The following TACR1 variants were observed in gnomAD, a reference collection of about 807,000 sequenced individuals.
TACR1 encodes the protein substance-P receptor.
Under a neutral mutation model 35.8 loss-of-function variants are expected in TACR1, and 25 were observed. That is an observed-to-expected ratio of 0.70 (90% CI 0.51 to 0.98). The LOEUF (loss-of-function observed/expected upper bound fraction) is 0.98. Among genes scored for constraint, TACR1 ranks in the 50% least tolerant of loss-of-function variants. TACR1 has a pLI of 0.00. For missense variants in TACR1, 478 were observed against 522.9 expected (o/e 0.91, Z 0.84); for synonymous variants, 195 against 206.7 (o/e 0.94, Z 0.48).
At chr2:75,187,769 G>A (rs1015620990) in intron 1 of TACR1, 1 of 152,212 alleles carries the variant, frequency 6.6e-6, no homozygotes, top group Non-Finnish European at 1.5e-5. Flanking sequence ...GCAGACTGTA[G>A]CTGGTTATAA....
intron 1 of TACR1, chr2:75,154,406 G>GCACA (rs1553380931): frequency 2.5e-5 from 2 of 78,514 alleles, no homozygotes; most frequent in African/African-American, 1.3e-4. Flanking sequence ...CCAAGAGCGC[G>GCACA]CACGCACACA....
At chr2:75,152,975 T>C (rs1674707830) in intron 1 of TACR1, among the ~76,000 whole-genome samples, 1 of 152,236 alleles carries the variant, frequency 6.6e-6, no homozygotes, top group African/African-American at 2.4e-5. Flanking sequence ...CAATCTCGGC[T>C]CACTGCAACC....
chr2:75,102,736 G>A (rs986745998), intron 2 of TACR1, among the ~76,000 whole-genome samples: 1 of 152,026 alleles, frequency 6.6e-6, no homozygotes, highest in African/African-American at 2.4e-5. Flanking sequence ...GCAGCCATTG[G>A]TAAGTATATG....
At chr2:75,165,537 T>C (rs1675119053) in intron 1 of TACR1, among the ~76,000 whole-genome samples, 1 of 152,046 alleles carries the variant, frequency 6.6e-6, no homozygotes, top group Non-Finnish European at 1.5e-5. Flanking sequence ...CTCAATCTCC[T>C]GACCTCGTGA....
chr2:75,137,656 G>A (rs1361774193), intron 1 of TACR1, among the ~76,000 whole-genome samples: 1 of 148,232 alleles, frequency 6.7e-6, no homozygotes, highest in Non-Finnish European at 1.5e-5. Context: ...ATGAACCTGG[G>A]AGGCGGAGCT....
At chr2:75,051,539 T>C in intron 3 of TACR1, 92 bp from the exon 4 acceptor site, 2 of 1,558,852 alleles carry the variant, frequency 1.3e-6, no homozygotes, top group East Asian at 4.7e-5. Flanking sequence ...CTGTGCACAG[T>C]ATGGGATGAA....
In TACR1 at chr2:75,063,457, A is replaced by G. The variant is rs559812506; in HGVS notation, c.585-9702T>C. On this transcript the variant is annotated intron_variant, in intron 2 of 4. Transcript: ENST00000305249. ...TTGCATTATAACTATTCAGCCCATT[A>G]AGGATTTATTTTGTTGAGTATTATG... is the stretch of plus-strand genomic sequence containing the variant. Among the ~76,000 whole-genome samples, 13 of 152,302 alleles carry G rather than the reference A, an allele frequency of 8.5e-5. No individual in the cohort carries two copies. In the East Asian group the frequency reaches 2.5e-3, roughly 29 times the overall value.
At chr2:75,165,023 T>C (rs1455389503) in intron 1 of TACR1, among the ~76,000 whole-genome samples, 1 of 152,210 alleles carries the variant, frequency 6.6e-6, no homozygotes, top group Non-Finnish European at 1.5e-5. Flanking sequence ...GGTGGATGCA[T>C]GGGACCCAGC....
chr2:75,052,340 T>C (rs1048851509), intron 3 of TACR1, among the ~76,000 whole-genome samples: 2 of 152,232 alleles, frequency 1.3e-5, no homozygotes, highest in African/African-American at 4.8e-5. Flanking sequence ...GTCTGTGCTT[T>C]GATCTTGGGC....
chr2:75,143,459 G>A (rs780690850), intron 1 of TACR1, among the ~76,000 whole-genome samples: 15 of 152,112 alleles, frequency 9.9e-5, no homozygotes, highest in Admixed American at 2.6e-4. Flanking sequence ...CGAACCAGAA[G>A]TATTGGCACT....
chr2:75,073,916 C>T (rs1672928816), intron 2 of TACR1, among the ~76,000 whole-genome samples: 1 of 152,152 alleles, frequency 6.6e-6, no homozygotes, highest in South Asian at 2.1e-4. Context: ...GAGGCCCTTT[C>T]CTACTCAAGG....
chr2:75,132,703 C>A (rs905093672), intron 1 of TACR1, among the ~76,000 whole-genome samples: 1 of 152,100 alleles, frequency 6.6e-6, no homozygotes, highest in African/African-American at 2.4e-5. Context: ...TTTGTTGATG[C>A]CTTGTTGAAG....
chr2:75,128,120 G>A (rs1674110757), intron 1 of TACR1, among the ~76,000 whole-genome samples: 1 of 152,182 alleles, frequency 6.6e-6, no homozygotes, highest in African/African-American at 2.4e-5. Context: ...ACTGGTAAAA[G>A]TTTGCCTGGA....
chr2:75,082,382 C>T (rs1194136081), intron 2 of TACR1, among the ~76,000 whole-genome samples: 1 of 152,208 alleles, frequency 6.6e-6, no homozygotes, highest in Non-Finnish European at 1.5e-5. Flanking sequence ...CCACAATAAA[C>T]ATACGTGTGC....
chr2:75,092,388 A>C (rs901238138), intron 2 of TACR1, among the ~76,000 whole-genome samples: 2 of 152,262 alleles, frequency 1.3e-5, no homozygotes, highest in South Asian at 4.1e-4. Context: ...GCCAGTTAAT[A>C]GGACTTACTC....
intron 1 of TACR1, among the ~76,000 whole-genome samples, chr2:75,164,172 A>T (rs1675081700): frequency 7.0e-6 from 1 of 143,698 alleles, no homozygotes; most frequent in Non-Finnish European, 1.5e-5. Flanking sequence ...CTAAAAATAC[A>T]AAATATTAGC....
intron 2 of TACR1, among the ~76,000 whole-genome samples, chr2:75,099,901 G>T (rs1050732850): frequency 2.0e-4 from 30 of 152,154 alleles, no homozygotes; most frequent in Non-Finnish European, 1.3e-4. Context: ...AGACCTCACA[G>T]AACACATATG....
chr2:75,143,494 G>A (rs1232722535), intron 1 of TACR1, among the ~76,000 whole-genome samples: 1 of 152,156 alleles, frequency 6.6e-6, no homozygotes, highest in East Asian at 1.9e-4. Flanking sequence ...AACACTGATC[G>A]AGCATTACTG....
At chr2:75,194,561 G>A (rs1439536746) in intron 1 of TACR1, among the ~76,000 whole-genome samples, 2 of 152,208 alleles carry the variant, frequency 1.3e-5, no homozygotes, top group African/African-American at 4.8e-5. Context: ...ATTGGTAGCT[G>A]AGTATGGCTG....
Sources: allele counts gnomAD v4.1 joint callset (sites outside exome capture counted in the v4.1 genomes callset), GRCh38; gene constraint gnomAD v4.1.1; transcripts MANE v1.5; gene names NCBI Gene and HGNC (gene_info 2026-07-23, HGNC 2026-07-21).